TRHDE: variants seen among roughly 807,000 people sequenced by gnomAD.
The protein encoded by TRHDE is thyrotropin releasing hormone degrading enzyme, also known as thyrotropin-releasing hormone-degrading ectoenzyme.
TRHDE carries 72 observed loss-of-function variants against 125.7 expected under a neutral mutation model. The observed-to-expected ratio is 0.57, with a 90% CI of 0.47 to 0.70. The LOEUF (loss-of-function observed/expected upper bound fraction) is 0.70. TRHDE is among the 30% of genes least tolerant of loss of function. TRHDE has a pLI of 0.00. For synonymous variants in TRHDE, 509 were observed against 509.1 expected (o/e 1.00, Z 0.00); for missense variants, 1,110 against 1,327.1 (o/e 0.84, Z 2.54).
At chr12:72,449,542 T>C (rs1875469770) in intron 3 of TRHDE, among the ~76,000 whole-genome samples, 2 of 152,116 alleles carry the variant, frequency 1.3e-5, no homozygotes, top group African/African-American at 4.8e-5. Context: ...AATAGAAAGA[T>C]AGATGGCTTA....
intron 10 of TRHDE, among the ~76,000 whole-genome samples, chr12:72,570,182 A>G (rs1362863570): frequency 2.0e-5 from 3 of 152,230 alleles, no homozygotes; most frequent in African/African-American, 7.2e-5. Flanking sequence ...AGGATTCAGG[A>G]TGAGTAATTC....
chr12:72,487,966 T>C (rs1028378562), intron 5 of TRHDE, among the ~76,000 whole-genome samples: 3 of 152,008 alleles, frequency 2.0e-5, no homozygotes, highest in Admixed American at 1.3e-4. Context: ...GATTATAAGA[T>C]GTTTTATTTA....
chr12:72,624,241 G>A (rs1453850902), intron 15 of TRHDE, among the ~76,000 whole-genome samples: 1 of 151,696 alleles, frequency 6.6e-6, no homozygotes, highest in African/African-American at 2.4e-5. Flanking sequence ...AGTCAAGAAG[G>A]AAAGAACTTT....
At chr12:72,591,183 T>A (rs1373677813) in intron 12 of TRHDE, among the ~76,000 whole-genome samples, 2 of 152,148 alleles carry the variant, frequency 1.3e-5, no homozygotes, top group Non-Finnish European at 2.9e-5. Flanking sequence ...CCCCCATGAT[T>A]CAATTACTTC....
Position 72,640,348 on chromosome 12 carries a change from T to C in TRHDE, c.2676-11974T>C, listed in dbSNP as rs540066137. Among the ~76,000 whole-genome samples the C allele has an allele frequency of 1.9e-3, 292 of 152,344 alleles. 1 individual carries two copies. The highest frequency in any genetic ancestry group is 6.1e-3 in the African/African-American group (252 of 41,586). ...TGCGCTTCCCGAGTGAGGCAATGCC[T>C]CGCCCTGCTTTGGCTCGCGCACGGT... On this transcript the variant is annotated intron_variant, in intron 15 of 18. Coordinates refer to ENST00000261180, the MANE Select transcript of TRHDE (RefSeq NM_013381.3).
At position 72,664,335 on chromosome 12, in the gene TRHDE, G is replaced by A. The variant is rs1422193889; in HGVS notation, c.*1140G>A. On this transcript the variant is annotated 3_prime_UTR_variant, in exon 19 of 19. Transcript: ENST00000261180. ...AATTCTCTGCATGTTGGTCTTTTAA[G>A]TCTGTTTTGCTCTAATCCTCCATTA... 1 of 151,806 alleles carries A rather than the reference G, an allele frequency of 6.6e-6. No homozygotes were observed. Among genetic ancestry groups the A allele is most frequent in the East Asian group, 1.9e-4 (1 of 5,174 alleles). 9.4% of individuals were successfully genotyped at this position (151,806 alleles called of 1,614,324 possible). A position where few individuals can be genotyped will look rare whatever the true frequency, so the allele number is the denominator to read the frequency against.
chr12:72,115,207 C>T (rs1466298909), intron 2 of TRHDE, among the ~76,000 whole-genome samples: 1 of 150,626 alleles, frequency 6.6e-6, no homozygotes, highest in Non-Finnish European at 1.5e-5. Flanking sequence ...TTTTGTAACC[C>T]TTACCATTCC....
At chr12:72,204,441 C>T (rs1191780428) in intron 2 of TRHDE, among the ~76,000 whole-genome samples, 1 of 152,164 alleles carries the variant, frequency 6.6e-6, no homozygotes, top group Non-Finnish European at 1.5e-5. Context: ...TTCTCTTACA[C>T]ATTCTCCCTG....
At chr12:72,095,774 T>C (rs1874900813) in intron 1 of TRHDE, among the ~76,000 whole-genome samples, 1 of 152,208 alleles carries the variant, frequency 6.6e-6, no homozygotes, top group South Asian at 2.1e-4. Flanking sequence ...ATGGTTAATT[T>C]TATATGTCAA....
At chr12:72,534,311 T>A (rs1252872982) in intron 6 of TRHDE, among the ~76,000 whole-genome samples, 1 of 152,186 alleles carries the variant, frequency 6.6e-6, no homozygotes, top group Non-Finnish European at 1.5e-5. Context: ...TTAAATAATT[T>A]ATGACTGTGG....
At chr12:72,370,198 T>C (rs879473552) in intron 2 of TRHDE, among the ~76,000 whole-genome samples, 1 of 152,150 alleles carries the variant, frequency 6.6e-6, no homozygotes, top group East Asian at 1.9e-4. Context: ...TGACTACAAT[T>C]GGCTTTACTT....
intron 6 of TRHDE, among the ~76,000 whole-genome samples, chr12:72,519,695 G>A (rs562076497): frequency 1.5e-4 from 23 of 152,302 alleles, no homozygotes; most frequent in East Asian, 1.4e-3. Context: ...GAGGAACTGC[G>A]TTCCTTTGGA....
chr12:72,214,654 A>C (rs1334632469), intron 2 of TRHDE, among the ~76,000 whole-genome samples: 1 of 152,202 alleles, frequency 6.6e-6, no homozygotes, highest in Non-Finnish European at 1.5e-5. Context: ...AATATTAAAC[A>C]ATAAAAACAA....
intron 2 of TRHDE, among the ~76,000 whole-genome samples, chr12:72,181,321 G>T (rs572685946): frequency 6.6e-6 from 1 of 152,172 alleles, no homozygotes; most frequent in Non-Finnish European, 1.5e-5. Context: ...TGACCTCCGG[G>T]CTTAATGCTT....
At chr12:72,466,606 T>G (rs966103525) in intron 3 of TRHDE, among the ~76,000 whole-genome samples, 74 of 152,196 alleles carry the variant, frequency 4.9e-4, no homozygotes, top group African/African-American at 1.8e-3. Flanking sequence ...TTCATACCAG[T>G]TCTCTGATCT....
chr12:72,365,238 A>G (rs1267067842), intron 2 of TRHDE, among the ~76,000 whole-genome samples: 1 of 152,142 alleles, frequency 6.6e-6, no homozygotes, highest in Admixed American at 6.6e-5. Context: ...GCTTCTGCTA[A>G]ATATTTCTTT....
intron 6 of TRHDE, among the ~76,000 whole-genome samples, chr12:72,527,291 T>TTA (rs1868352486): frequency 6.6e-6 from 1 of 152,162 alleles, no homozygotes; most frequent in Non-Finnish European, 1.5e-5. Context: ...ATTTCCTAAG[T>TTA]TATTTATCAA....
At chr12:72,191,010 C>T (rs1206126749) in intron 2 of TRHDE, among the ~76,000 whole-genome samples, 1 of 152,174 alleles carries the variant, frequency 6.6e-6, no homozygotes, top group Non-Finnish European at 1.5e-5. Context: ...TCTGCATGCA[C>T]TATAACCTGT....
At chr12:72,576,287 G>T (rs527326706) in intron 12 of TRHDE, among the ~76,000 whole-genome samples, 4 of 152,114 alleles carry the variant, frequency 2.6e-5, no homozygotes, top group African/African-American at 9.6e-5. Flanking sequence ...TACTTACCTG[G>T]TTATCATGAT....
Sources: allele counts gnomAD v4.1 joint callset (sites outside exome capture counted in the v4.1 genomes callset), GRCh38; gene constraint gnomAD v4.1.1; transcripts MANE v1.5; gene names NCBI Gene and HGNC (gene_info 2026-07-23, HGNC 2026-07-21).